The following HS3ST4 variants were observed in gnomAD, a reference collection of about 807,000 sequenced individuals.
The protein encoded by HS3ST4 is heparan sulfate-glucosamine 3-sulfotransferase 4.
In HS3ST4, 17 loss-of-function variants were observed where a neutral mutation model predicts 29.2. The observed-to-expected ratio is 0.58, with a 90% CI of 0.40 to 0.87. The LOEUF (loss-of-function observed/expected upper bound fraction) is 0.87. HS3ST4 is among the 40% of genes least tolerant of loss of function. The pLI, the probability that HS3ST4 is intolerant of heterozygous loss-of-function variation, is 0.00. For missense variants in HS3ST4, 627 were observed against 634.5 expected, an observed-to-expected ratio of 0.99 and a Z score of 0.13; for synonymous variants, 314 against 285.7, an observed-to-expected ratio of 1.10 and a Z score of -1.00.
chr16:25,733,687 G>C (rs1490679917), intron 1 of HS3ST4, among the ~76,000 whole-genome samples: 1 of 152,118 alleles, frequency 6.6e-6, no homozygotes, highest in Non-Finnish European at 1.5e-5. Flanking sequence ...TGAATCTGGG[G>C]GGCGGGGGGA....
intron 1 of HS3ST4, among the ~76,000 whole-genome samples, chr16:25,918,374 G>A (rs550978734): frequency 1.3e-5 from 2 of 152,260 alleles, no homozygotes; most frequent in South Asian, 4.2e-4. Flanking sequence ...ATGTGTGCTG[G>A]GCACTAGGTC....
At chr16:25,747,923 T>G (rs765661193) in intron 1 of HS3ST4, among the ~76,000 whole-genome samples, 3 of 152,156 alleles carry the variant, frequency 2.0e-5, no homozygotes, top group Non-Finnish European at 2.9e-5. Flanking sequence ...AGCAGGTGTG[T>G]GCTCCTGAAA....
chr16:25,719,975 G>C (rs1172131738), intron 1 of HS3ST4, among the ~76,000 whole-genome samples: 1 of 152,174 alleles, frequency 6.6e-6, no homozygotes, highest in Non-Finnish European at 1.5e-5. Flanking sequence ...CTTTCCGTGA[G>C]TGTTATACAC....
intron 1 of HS3ST4, among the ~76,000 whole-genome samples, chr16:25,695,304 T>A (rs1353507915): frequency 7.9e-5 from 12 of 152,310 alleles, no homozygotes; most frequent in Non-Finnish European, 1.3e-4. Context: ...CCAGGGGTGC[T>A]GATTGAAAGC....
At chr16:25,988,217 C>G (rs1969081917) in intron 1 of HS3ST4, among the ~76,000 whole-genome samples, 1 of 152,194 alleles carries the variant, frequency 6.6e-6, no homozygotes, top group Non-Finnish European at 1.5e-5. Flanking sequence ...TTAACCTTGT[C>G]TGTTGGAATG....
chr16:25,890,441 A>C (rs770690710), intron 1 of HS3ST4, among the ~76,000 whole-genome samples: 1 of 152,194 alleles, frequency 6.6e-6, no homozygotes, highest in East Asian at 1.9e-4. Context: ...TGGCCAGTGC[A>C]TGTCATCTTA....
Position 25,762,374 on chromosome 16 carries a change from GT to G in HS3ST4, c.734+69224del, listed in dbSNP as rs141387054. Among the ~76,000 whole-genome samples, 453 of 152,292 alleles carry G rather than the reference GT, an allele frequency of 3.0e-3. 2 individuals carry two copies. Among genetic ancestry groups the G allele is most frequent in the African/African-American group, 0.01 (432 of 41,542 alleles). On this transcript the variant is annotated intron_variant, in intron 1 of 1. Transcript: ENST00000331351. The stretch of plus-strand genomic sequence containing the variant: ...TTTGGAATTTCTCGCTGGAGAAGGG[GT>G]GTGGGTGATGGGCATGGGCTGGGCA...
At chr16:25,770,028 C>T (rs1024037050) in intron 1 of HS3ST4, among the ~76,000 whole-genome samples, 1 of 152,164 alleles carries the variant, frequency 6.6e-6, no homozygotes, top group Non-Finnish European at 1.5e-5. Context: ...GTGCAAAATG[C>T]AGACTAGGAT....
intron 1 of HS3ST4, among the ~76,000 whole-genome samples, chr16:25,854,419 G>C (rs1486663561): frequency 6.6e-6 from 1 of 152,156 alleles, no homozygotes; most frequent in African/African-American, 2.4e-5. Context: ...AGGATGACCC[G>C]AGGTCACTTT....
intron 1 of HS3ST4, among the ~76,000 whole-genome samples, chr16:25,833,311 T>C (rs1015619943): frequency 2.6e-5 from 4 of 152,140 alleles, no homozygotes; most frequent in Non-Finnish European, 5.9e-5. Context: ...GGATTCTTGA[T>C]CCAAGATTGA....
intron 1 of HS3ST4, among the ~76,000 whole-genome samples, chr16:25,785,307 A>G (rs1966856406): frequency 6.6e-6 from 1 of 152,216 alleles, no homozygotes; most frequent in Non-Finnish European, 1.5e-5. Context: ...TCCAAGTCTT[A>G]TTATTAAAAA....
chr16:25,875,757 G>T (rs530155475), intron 1 of HS3ST4, among the ~76,000 whole-genome samples: 15 of 152,092 alleles, frequency 9.9e-5, no homozygotes, highest in Non-Finnish European at 1.8e-4. Flanking sequence ...CTGAGGCTGG[G>T]AGACTTGGCC....
In HS3ST4 at chr16:26,049,470, C is replaced by CTGTGTGTGTGTG. The variant is rs113562359; in HGVS notation, c.735-86128_735-86117dup. 3.3e-3 allele frequency among the ~76,000 whole-genome samples: 482 copies of CTGTGTGTGTGTG among 145,074 alleles called. 5 individuals carry two copies. Among genetic ancestry groups the CTGTGTGTGTGTG allele is most frequent in the African/African-American group, 0.011 (425 of 39,064 alleles). On this transcript the variant is annotated intron_variant, in intron 1 of 1. Transcript: ENST00000331351. ...TAGTTGCAGTGGGGAATGCGTGCCT[C>CTGTGTGTGTGTG]TGTGTGTGTGTGTGTGTGTGTGTGT... is the stretch of plus-strand genomic sequence containing the variant.
At position 25,742,432 on chromosome 16, in the gene HS3ST4, GGA is replaced by G. The variant is rs139050059; in HGVS notation, c.734+49282_734+49283del. Among the ~76,000 whole-genome samples, 177 of 152,294 alleles carry G rather than the reference GGA, an allele frequency of 1.2e-3. 5 individuals are homozygous for G. The East Asian group carries it at 0.03, about 26-fold the overall frequency. On this transcript the variant is annotated intron_variant, in intron 1 of 1. Transcript: ENST00000331351. Reference sequence around the variant, plus strand: ...GCCACAGTGGTCAACAGTGATCAGGGGAATAGACTGTGGCTATCAGCCAGGTC... The same window carrying G: ...GCCACAGTGGTCAACAGTGATCAGGGATAGACTGTGGCTATCAGCCAGGTC...
chr16:25,978,874 G>A (rs909668362), intron 1 of HS3ST4, among the ~76,000 whole-genome samples: 4 of 152,026 alleles, frequency 2.6e-5, no homozygotes, highest in South Asian at 2.1e-4. Context: ...AACTAGCCAC[G>A]GGGACAGTGA....
intron 1 of HS3ST4, among the ~76,000 whole-genome samples, chr16:25,941,730 C>T (rs1250197729): frequency 6.6e-6 from 1 of 152,076 alleles, no homozygotes; most frequent in Non-Finnish European, 1.5e-5. Context: ...GCACACGCCA[C>T]CACACCCAGC....
chr16:25,786,759 C>A (rs937903452), intron 1 of HS3ST4, among the ~76,000 whole-genome samples: 1 of 152,144 alleles, frequency 6.6e-6, no homozygotes, highest in African/African-American at 2.4e-5. Flanking sequence ...ATTAATTTTT[C>A]CCTTTCTTTA....
intron 1 of HS3ST4, among the ~76,000 whole-genome samples, chr16:25,731,453 A>G (rs959943378): frequency 1.3e-5 from 2 of 151,890 alleles, no homozygotes; most frequent in Admixed American, 1.3e-4. Flanking sequence ...CAATCCTCCC[A>G]CCTCAGCCTC....
intron 1 of HS3ST4, among the ~76,000 whole-genome samples, chr16:25,994,011 G>GGA (rs142126886): frequency 1.4e-4 from 18 of 132,968 alleles, no homozygotes; most frequent in East Asian, 4.5e-4. Context: ...TGTGTGTGGT[G>GGA]GAGAGAGAGA....
Sources: gnomAD v4.1 joint callset for allele counts (sites outside exome capture counted in the v4.1 genomes callset) on GRCh38, gnomAD v4.1.1 for gene constraint, MANE v1.5 for transcripts, NCBI Gene and HGNC (gene_info 2026-07-23, HGNC 2026-07-21) for gene names.